Variants in TMEM131L observed in about 807,000 individuals in gnomAD.
TMEM131L encodes transmembrane 131 like, also known as transmembrane protein 131-like.
In TMEM131L, 54 loss-of-function variants were observed where a neutral mutation model predicts 192.2. That is an observed-to-expected ratio of 0.28 (90% CI 0.23 to 0.35). The LOEUF (loss-of-function observed/expected upper bound fraction) is 0.35. TMEM131L is among the 10% of genes least tolerant of loss of function. The pLI, the probability that TMEM131L is intolerant of heterozygous loss-of-function variation, is 1.00. For missense variants in TMEM131L, 1,888 were observed against 1,972.9 expected (o/e 0.96, Z 0.82); for synonymous variants, 701 against 704.9 (o/e 0.99, Z 0.09).
chr4:153,556,534 G>T (rs949704038), intron 5 of TMEM131L, among the ~76,000 whole-genome samples: 1 of 152,108 alleles, frequency 6.6e-6, no homozygotes, highest in Non-Finnish European at 1.5e-5. Flanking sequence ...TAGGACTAAG[G>T]ATATGTTGTA....
At chr4:153,542,890 A>G (rs909384885) in intron 3 of TMEM131L, among the ~76,000 whole-genome samples, 1 of 152,160 alleles carries the variant, frequency 6.6e-6, no homozygotes, top group Non-Finnish European at 1.5e-5. Flanking sequence ...GACAGACGCA[A>G]TGTCTCCTCC....
At chr4:153,468,237 G>A (rs1730907827) in intron 2 of TMEM131L, among the ~76,000 whole-genome samples, 1 of 152,166 alleles carries the variant, frequency 6.6e-6, no homozygotes, top group African/African-American at 2.4e-5. Context: ...CAGAGTGCTG[G>A]TTTTGAGATA....
At chr4:153,510,522 C>T (rs1734281489) in intron 3 of TMEM131L, among the ~76,000 whole-genome samples, 1 of 152,042 alleles carries the variant, frequency 6.6e-6, no homozygotes, top group Non-Finnish European at 1.5e-5. Flanking sequence ...GCTGGGGCTG[C>T]TGGGAAAGTG....
At chr4:153,509,180 A>G (rs142853177) in intron 3 of TMEM131L, among the ~76,000 whole-genome samples, 7 of 147,476 alleles carry the variant, frequency 4.7e-5, no homozygotes, top group African/African-American at 1.6e-4. Context: ...CCCTGTCTCT[A>G]CTAAAAACAA....
rs989615123 is a variant in TMEM131L, at chr4:153,604,117, T to A, written c.3105T>A (p.Tyr1035Ter). Residue 1035 changes from tyrosine (Y) to a stop codon, truncating the protein, a stop_gained, in exon 25 of 35, where the codon TAT becomes TAA. Transcript: ENST00000409959. LOFTEE classifies it high-confidence loss of function. ...GTGAGAACTGGATCAGCCTCAGATA[T>A]GCAAGTGGCATAAATGTCAACCTGC... ...AMRENWISLR[Y>*]ASGINVNLQK... 6.2e-7 allele frequency: 1 copy of A among 1,614,064 alleles called. No individual in the cohort carries two copies. Among genetic ancestry groups the A allele is most frequent in the African/African-American group, 1.3e-5 (1 of 74,930 alleles).
chr4:153,545,714 A>G (rs370297098), intron 3 of TMEM131L, among the ~76,000 whole-genome samples: 2 of 152,136 alleles, frequency 1.3e-5, no homozygotes, highest in South Asian at 2.1e-4. Context: ...ATGTTTTTTC[A>G]AAATAAGACA....
intron 3 of TMEM131L, among the ~76,000 whole-genome samples, chr4:153,540,142 A>AC (rs1228700393): frequency 6.7e-6 from 1 of 149,042 alleles, no homozygotes; most frequent in East Asian, 2.1e-4. Flanking sequence ...AAAAAAAAAA[A>AC]CCCCAAAACA....
chr4:153,593,732 A>G (rs767466547), intron 18 of TMEM131L, 67 bp from the exon 19 acceptor site: 2 of 1,021,596 alleles, frequency 2.0e-6, no homozygotes, highest in Non-Finnish European at 3.1e-6. Context: ...ATGTGCACAC[A>G]CTTATTAAAT....
At chr4:153,513,759 C>G (rs1308057199) in intron 3 of TMEM131L, among the ~76,000 whole-genome samples, 1 of 151,976 alleles carries the variant, frequency 6.6e-6, no homozygotes, top group East Asian at 1.9e-4. Flanking sequence ...TAAAAGATGG[C>G]CTTGTGTAAA....
intron 15 of TMEM131L, among the ~76,000 whole-genome samples, chr4:153,588,566 A>G (rs1476993746): frequency 2.0e-5 from 3 of 151,082 alleles, no homozygotes; most frequent in Non-Finnish European, 4.4e-5. Flanking sequence ...GTGTGGAAGG[A>G]GTTTCGCATT....
intron 3 of TMEM131L, among the ~76,000 whole-genome samples, chr4:153,510,783 C>A (rs969905436): frequency 2.0e-5 from 3 of 151,698 alleles, no homozygotes; most frequent in Non-Finnish European, 4.4e-5. Flanking sequence ...TTGGAGGGCA[C>A]TGAAGTGTGG....
chr4:153,538,567 G>A (rs374625167), intron 3 of TMEM131L, among the ~76,000 whole-genome samples: 2 of 152,174 alleles, frequency 1.3e-5, no homozygotes, highest in African/African-American at 4.8e-5. Context: ...CTGGTTTATT[G>A]GGATGCTCTG....
At chr4:153,629,697 C>G (rs1734084901) in intron 31 of TMEM131L, among the ~76,000 whole-genome samples, 1 of 152,190 alleles carries the variant, frequency 6.6e-6, no homozygotes, top group African/African-American at 2.4e-5. Flanking sequence ...GTGATTTGCA[C>G]ATTGCTGAGT....
At chr4:153,621,303 A>G (rs1266046342) in intron 27 of TMEM131L, among the ~76,000 whole-genome samples, 1 of 152,150 alleles carries the variant, frequency 6.6e-6, no homozygotes, top group East Asian at 1.9e-4. Flanking sequence ...CATAATAATG[A>G]AACAGAATAG....
intron 7 of TMEM131L, among the ~76,000 whole-genome samples, chr4:153,563,709 C>T (rs1045291267): frequency 2.0e-5 from 3 of 151,972 alleles, no homozygotes; most frequent in African/African-American, 7.2e-5. Context: ...CTCATTGATC[C>T]ACCCACCTCG....
intron 20 of TMEM131L, among the ~76,000 whole-genome samples, chr4:153,598,360 G>C (rs1239298260): frequency 6.6e-6 from 1 of 151,994 alleles, no homozygotes; most frequent in Non-Finnish European, 1.5e-5. Flanking sequence ...ACATGTTCTT[G>C]CTGCAGTCAG....
At chr4:153,601,727 C>T (rs1050776716) in intron 21 of TMEM131L, among the ~76,000 whole-genome samples, 2 of 152,154 alleles carry the variant, frequency 1.3e-5, no homozygotes, top group African/African-American at 4.8e-5. Flanking sequence ...TACAGAAGCA[C>T]TTATACATCC....
intron 3 of TMEM131L, among the ~76,000 whole-genome samples, chr4:153,485,544 T>C (rs1732271129): frequency 6.6e-6 from 1 of 152,214 alleles, no homozygotes; most frequent in Non-Finnish European, 1.5e-5. Flanking sequence ...AAAATGTATA[T>C]AGTAAATAAT....
intron 23 of TMEM131L, 41 bp from the exon 24 acceptor site, chr4:153,603,262 C>A (rs1034426902): frequency 7.0e-6 from 11 of 1,577,042 alleles, no homozygotes; most frequent in Admixed American, 3.7e-5. Flanking sequence ...GAATGCCAGT[C>A]AGAACCATGC....
Sources: allele counts gnomAD v4.1 joint callset (sites outside exome capture counted in the v4.1 genomes callset), GRCh38; gene constraint gnomAD v4.1.1; transcripts MANE v1.5; gene names NCBI Gene and HGNC (gene_info 2026-07-23, HGNC 2026-07-21).